Variants in BMP2K observed in about 807,000 individuals in gnomAD.
The protein encoded by BMP2K is BMP2 inducible kinase.
BMP2K carries 74 observed loss-of-function variants against 116.0 expected under a neutral mutation model. That is an observed-to-expected ratio of 0.64 (90% CI 0.53 to 0.77). BMP2K has a LOEUF of 0.77. BMP2K is among the 30% of genes least tolerant of loss of function. The probability of loss-of-function intolerance (pLI) is 0.00; values close to 1 mark genes in which losing one functional copy is unlikely to be tolerated. For synonymous variants in BMP2K, 486 were observed against 502.5 expected (o/e 0.97, Z 0.44); for missense variants, 1,365 against 1,403.6 (o/e 0.97, Z 0.44).
intron 14 of BMP2K, chr4:78,879,414 A>G: frequency 2.0e-6 from 2 of 985,870 alleles, no homozygotes; most frequent in Non-Finnish European, 2.4e-6. Flanking sequence ...CAAAAATTAA[A>G]TAAATTCTTT....
intron 2 of BMP2K, among the ~76,000 whole-genome samples, chr4:78,833,215 ATTG>A (rs1436623052): frequency 6.6e-6 from 1 of 152,024 alleles, no homozygotes; most frequent in Non-Finnish European, 1.5e-5. Context: ...TGAGAATATA[ATTG>A]TTAATAAATA....
chr4:78,809,679 T>G (rs531351222), intron 1 of BMP2K, among the ~76,000 whole-genome samples: 12 of 151,232 alleles, frequency 7.9e-5, no homozygotes, highest in Non-Finnish European at 1.3e-4. Context: ...TGTGCCTGGT[T>G]TAAAGTGTTT....
intron 1 of BMP2K, among the ~76,000 whole-genome samples, chr4:78,800,146 A>T (rs1035690981): frequency 8.5e-5 from 13 of 152,218 alleles, no homozygotes; most frequent in Non-Finnish European, 1.8e-4. Flanking sequence ...GGCAGAATGT[A>T]TAAATATGTA....
At chr4:78,816,224 T>C (rs537710080) in intron 1 of BMP2K, among the ~76,000 whole-genome samples, 13 of 152,242 alleles carry the variant, frequency 8.5e-5, no homozygotes, top group African/African-American at 2.6e-4. Context: ...GGGTACTTCA[T>C]AGGCGATGCT....
At chr4:78,791,424 A>C (rs1727989919) in intron 1 of BMP2K, among the ~76,000 whole-genome samples, 1 of 152,082 alleles carries the variant, frequency 6.6e-6, no homozygotes, top group African/African-American at 2.4e-5. Flanking sequence ...CCTTGAGTAC[A>C]TTTCTTTTCT....
chr4:78,859,522 G>A, intron 7 of BMP2K, 62 bp from the exon 8 acceptor site: 1 of 1,001,592 alleles, frequency 1.0e-6, no homozygotes, highest in Non-Finnish European at 1.5e-6. Context: ...CTTATAATGT[G>A]CCCCTAAGTA....
At chr4:78,793,865 GT>G (rs773906998) in intron 1 of BMP2K, among the ~76,000 whole-genome samples, 2,893 of 148,980 alleles carry the variant, frequency 0.019, 88 homozygotes, top group African/African-American at 0.064. Context: ...TAATTTTACA[GT>G]TTTTTTTTTA....
At chr4:78,868,342 G>A (rs1225630695) in intron 10 of BMP2K, among the ~76,000 whole-genome samples, 2 of 151,950 alleles carry the variant, frequency 1.3e-5, no homozygotes, top group South Asian at 2.1e-4. Context: ...CAAGAAAGAC[G>A]CCCCCGTGAT....
In BMP2K at chr4:78,912,202, T is replaced by C. The variant is rs1734676068; in HGVS notation, c.*169T>C. 1.6e-6 allele frequency: 1 copy of C among 627,888 alleles called. No homozygotes were observed. Among genetic ancestry groups the C allele is most frequent in the Non-Finnish European group, 2.7e-6 (1 of 375,674 alleles). 38.9% of individuals were successfully genotyped at this position (627,888 alleles called of 1,614,324 possible). A position where few individuals can be genotyped will look rare whatever the true frequency, so the allele number is the denominator to read the frequency against. On this transcript the variant is annotated 3_prime_UTR_variant, in exon 16 of 16. Transcript: ENST00000502613. ...AGAAGAATGAAGTATCTCTACAGGG[T>C]AGTAACTTGATTCCTCTTCAGGAGA...
At chr4:78,900,221 T>G (rs1289822928) in intron 15 of BMP2K, among the ~76,000 whole-genome samples, 1 of 152,206 alleles carries the variant, frequency 6.6e-6, no homozygotes, top group Non-Finnish European at 1.5e-5. Context: ...TGTTTTCTCT[T>G]TAAGAATACA....
intron 1 of BMP2K, among the ~76,000 whole-genome samples, chr4:78,816,587 C>T (rs547965407): frequency 2.0e-5 from 3 of 152,198 alleles, no homozygotes; most frequent in South Asian, 4.1e-4. Context: ...TGACTTCTTC[C>T]AAGATGGATT....
intron 1 of BMP2K, among the ~76,000 whole-genome samples, chr4:78,803,664 C>T (rs1469785332): frequency 1.3e-5 from 2 of 152,182 alleles, no homozygotes; most frequent in African/African-American, 2.4e-5. Flanking sequence ...CAGGTGTGAG[C>T]CACCATGCCT....
intron 13 of BMP2K, 94 bp from the exon 14 acceptor site, chr4:78,878,640 A>C: frequency 9.6e-7 from 1 of 1,043,558 alleles, no homozygotes; most frequent in Non-Finnish European, 1.4e-6. Context: ...TGGTTTTCTA[A>C]GTATTTATAA....
In BMP2K at chr4:78,871,929, C is replaced by T; in HGVS notation, c.1589C>T (p.Ala530Val). ...MHSVYQPQPS[A>V]SQYPTMMPQY... ...TCGGTATATCAACCACAACCTTCTG[C>T]ATCACAGTATCCTACAATGGTAACT... Residue 530 changes from alanine (A) to valine (V), a missense_variant, in exon 12 of 16, where the codon GCA becomes GTA. By Grantham distance (64) the Ala-to-Val change is moderately conservative (BLOSUM62 0). Around this residue, in one of 3 missense-constraint regions of BMP2K, gnomAD observed 762 missense variants for 756.7 expected, o/e 1.01. Transcript: ENST00000502613. The T allele has an allele frequency of 6.2e-7, 1 of 1,608,932 alleles. No individual in the cohort carries two copies. Among genetic ancestry groups the T allele is most frequent in the Non-Finnish European group, 8.5e-7 (1 of 1,176,688 alleles).
chr4:78,789,874 T>C (rs1000528529), intron 1 of BMP2K, among the ~76,000 whole-genome samples: 2 of 152,162 alleles, frequency 1.3e-5, no homozygotes, highest in African/African-American at 2.4e-5. Context: ...AAGAGAGAAA[T>C]AGCTAAGTTC....
intron 12 of BMP2K, chr4:78,872,329 TA>T (rs1399513144): frequency 1.3e-4 from 22 of 175,850 alleles, no homozygotes; most frequent in African/African-American, 6.7e-4. Flanking sequence ...TTTTTTTTTT[TA>T]ACAGCAACCA....
rs202105289 is a variant in BMP2K at position 78,830,369 on chromosome 4, CACAA to C, written c.298-3209_298-3206del. Among the ~76,000 whole-genome samples the C allele has an allele frequency of 8.1e-3, 1,233 of 152,252 alleles. 18 individuals are homozygous for C. The highest frequency in any genetic ancestry group is 0.028 in the African/African-American group (1,155 of 41,546). ...AGGCTTTGTTGTTTTATTTATAGAG[CACAA>C]ACAGAGTAGGTTTAGCATAGTTCTT... On this transcript the variant is annotated intron_variant, in intron 2 of 15. Transcript: ENST00000502613.
At chr4:78,836,239 A>T (rs1730470247) in intron 3 of BMP2K, among the ~76,000 whole-genome samples, 1 of 151,924 alleles carries the variant, frequency 6.6e-6, no homozygotes, top group Admixed American at 6.5e-5. Context: ...AACATAGTGA[A>T]ACCCCTTCTC....
intron 13 of BMP2K, among the ~76,000 whole-genome samples, chr4:78,874,243 C>G (rs1223603285): frequency 6.6e-6 from 1 of 151,996 alleles, no homozygotes; most frequent in East Asian, 1.9e-4. Flanking sequence ...TGTCATTTAT[C>G]TACTCTAGTT....
Sources: allele counts gnomAD v4.1 joint callset (sites outside exome capture counted in the v4.1 genomes callset), GRCh38; gene constraint gnomAD v4.1.1; regional missense constraint gnomAD v4.1.1; transcripts MANE v1.5; gene names NCBI Gene and HGNC (gene_info 2026-07-23, HGNC 2026-07-21).